MYO7A: variants seen among roughly 807,000 people sequenced by gnomAD.
MYO7A encodes the protein myosin VIIA.
MYO7A carries 210 observed loss-of-function variants against 263.8 expected under a neutral mutation model. The ratio of observed to expected loss-of-function variants is 0.80; its 90% CI spans 0.71 to 0.89. The LOEUF is 0.89. Among genes scored for constraint, MYO7A ranks in the 40% least tolerant of loss-of-function variants. The pLI, the probability that MYO7A is intolerant of heterozygous loss-of-function variation, is 0.00. For missense variants in MYO7A, 2,820 were observed against 2,968.3 expected (o/e 0.95, Z 1.16); for synonymous variants, 1,239 against 1,197.3 (o/e 1.03, Z -0.72).
chr11:77,205,463 T>A lies in MYO7A; in HGVS notation c.5482T>A (p.Tyr1828Asn). The change falls in exon 40 of 49, where the codon TAC (tyrosine) becomes AAC (asparagine). Residue 1828 changes from tyrosine (Y) to asparagine (N), a missense_variant and splice_region_variant. Physicochemically the swap from Tyr to Asn is moderately radical, Grantham distance 143. Coordinates refer to ENST00000409709, the MANE Select transcript of MYO7A (RefSeq NM_000260.4). ...TGGAGCCCACGCCTCCTCCTGCAGG[T>A]ACAGCGAGGAGCGGGGTTGGGAGCT... ...LKQLTDNHIR[Y>N]SEERGWELLW... 7 of 1,564,572 alleles carry A rather than the reference T, an allele frequency of 4.5e-6. No homozygotes were observed. The highest frequency in any genetic ancestry group is 6.1e-6 in the Non-Finnish European group (7 of 1,154,850).
intron 4 of MYO7A, among the ~76,000 whole-genome samples, chr11:77,148,990 T>C (rs1371472709): frequency 1.3e-5 from 2 of 152,212 alleles, no homozygotes; most frequent in Non-Finnish European, 2.9e-5. Context: ...GGAAAAGAGA[T>C]GGCTTTGCAG....
rs1188167692 is a variant in MYO7A, at chr11:77,205,462, G to T, written c.5481G>T (p.Arg1827Ser). 3 of 1,564,048 alleles carry T rather than the reference G, an allele frequency of 1.9e-6. No homozygotes were observed. In the South Asian group the frequency reaches 3.5e-5, roughly 18 times the overall value. Residue 1827 changes from arginine (R) to serine (S), a missense_variant and splice_region_variant, in exon 40 of 49, where the codon AGG becomes AGT. Arg to Ser is a moderately radical substitution (Grantham distance 110, BLOSUM62 -1). Transcript: ENST00000409709. Reference sequence around the variant, plus strand: ...CTGGAGCCCACGCCTCCTCCTGCAGGTACAGCGAGGAGCGGGGTTGGGAGC... The same window carrying T: ...CTGGAGCCCACGCCTCCTCCTGCAGTTACAGCGAGGAGCGGGGTTGGGAGC... ...ILKQLTDNHI[R>S]YSEERGWELL...
Position 77,201,511 on chromosome 11 carries a change from CG to C in MYO7A, c.4919del (p.Gly1640AlafsTer5), listed in dbSNP as rs1555101858. On this transcript the variant is annotated frameshift_variant, in exon 36 of 49. Coordinates refer to ENST00000409709, the MANE Select transcript of MYO7A (RefSeq NM_000260.4). LOFTEE classifies it high-confidence loss of function. ...GACCTCATCATCCTGGACCATGACA[CG>C]GGCGAGCAGGTCATGAACTCGGGCT... ...KGDLIILDHD[T>X]GEQVMNSGWA... is the part of the protein sequence containing the mutation. 1.9e-5 allele frequency: 30 copies of C among 1,613,940 alleles called. No homozygotes were observed. Among genetic ancestry groups the C allele is most frequent in the Non-Finnish European group, 2.4e-5 (28 of 1,179,882 alleles).
At chr11:77,214,057 A>C (rs1390002624) in intron 48 of MYO7A, 78 bp downstream of exon 48, 1 of 1,590,336 alleles carries the variant, frequency 6.3e-7, no homozygotes, top group Non-Finnish European at 8.6e-7. Context: ...GCCTGGAACA[A>C]ACACAGTAGT....
rs1385751946 is a variant in MYO7A at position 77,128,457 on chromosome 11, G to T, written c.-79G>T. On this transcript the variant is annotated 5_prime_UTR_variant, in exon 1 of 49. Transcript: ENST00000409709. ...TGCAGGTGGCAGCTGTACCAGGCTG[G>T]CAGGTCACTGAGAGTGGGCAGCTGG... 1.3e-5 allele frequency: 2 copies of T among 152,394 alleles called. No homozygotes were observed. Among genetic ancestry groups the T allele is most frequent in the Admixed American group, 6.5e-5 (1 of 15,292 alleles). 9.4% of individuals were successfully genotyped at this position (152,394 alleles called of 1,614,324 possible).
chr11:77,189,576 C>A, intron 28 of MYO7A, 106 bp downstream of exon 28: 5 of 1,487,424 alleles, frequency 3.4e-6, no homozygotes, highest in Non-Finnish European at 3.6e-6. Flanking sequence ...GTCACAAGGC[C>A]CACCCGGCCA....
chr11:77,202,961 G>T, intron 37 of MYO7A, 99 bp from the exon 38 acceptor site: 1 of 1,436,516 alleles, frequency 7.0e-7, no homozygotes, highest in Non-Finnish European at 9.3e-7. Context: ...TCAGCCTCTG[G>T]ACACAGGGAT....
chr11:77,156,574 G>A, intron 5 of MYO7A, 86 bp from the exon 6 acceptor site: 1 of 1,572,166 alleles, frequency 6.4e-7, no homozygotes, highest in East Asian at 2.3e-5. Context: ...TGGGGGAGCT[G>A]GTGGATGGTG....
At chr11:77,209,120 C>T (rs1175654956) in intron 44 of MYO7A, 2 of 308,702 alleles carry the variant, frequency 6.5e-6, no homozygotes, top group Admixed American at 9.0e-5. Flanking sequence ...ATTCCAAGGC[C>T]TCTGTGCAAA....
At chr11:77,162,538 C>T (rs1953099022) in intron 13 of MYO7A, among the ~76,000 whole-genome samples, 1 of 152,190 alleles carries the variant, frequency 6.6e-6, no homozygotes, top group Non-Finnish European at 1.5e-5. Context: ...AAGATCCATG[C>T]ATGCAGTTGG....
intron 3 of MYO7A, among the ~76,000 whole-genome samples, chr11:77,145,893 G>T (rs538047046): frequency 6.6e-6 from 1 of 152,292 alleles, no homozygotes; most frequent in African/African-American, 2.4e-5. Flanking sequence ...GCTGGAATGG[G>T]GGACTTCTGG....
intron 32 of MYO7A, 101 bp downstream of exon 32, chr11:77,194,625 G>A: frequency 7.8e-7 from 1 of 1,278,720 alleles, no homozygotes; most frequent in Non-Finnish European, 1.1e-6. Flanking sequence ...TGCGGGGGAT[G>A]GGATGGCACC....
At chr11:77,159,387 T>C (rs1952774143) in intron 9 of MYO7A, 60 bp from the exon 10 acceptor site, 2 of 1,500,430 alleles carry the variant, frequency 1.3e-6, no homozygotes, top group South Asian at 2.3e-5. Flanking sequence ...CTTAGGACTG[T>C]CCCCTTGCCC....
At chr11:77,158,151 G>A (rs534390264) in intron 8 of MYO7A, 126 bp from the exon 9 acceptor site, 15 of 1,087,608 alleles carry the variant, frequency 1.4e-5, no homozygotes, top group African/African-American at 6.5e-5. Flanking sequence ...TGAGGTCAGC[G>A]CCTGGGGCCC....
chr11:77,207,965 G>A (rs934477396), intron 42 of MYO7A, among the ~76,000 whole-genome samples: 7 of 152,168 alleles, frequency 4.6e-5, no homozygotes, highest in Admixed American at 3.9e-4. Flanking sequence ...CTCCCTGACC[G>A]AGTTGGGTGC....
Position 77,194,366 on chromosome 11 carries a change from G to T in MYO7A, c.4165G>T (p.Ala1389Ser), listed in dbSNP as rs1407458101. 2 of 1,612,090 alleles carry T rather than the reference G, an allele frequency of 1.2e-6. No homozygotes were observed. Among genetic ancestry groups the T allele is most frequent in the South Asian group, 1.1e-5 (1 of 90,502 alleles). The change falls in exon 32 of 49, where the codon GCT (alanine) becomes TCT (serine). Residue 1389 changes from alanine to serine, a missense_variant. Coordinates refer to ENST00000409709, the MANE Select transcript of MYO7A (RefSeq NM_000260.4). ...EYRCEKEDDL[A>S]ELASQQYFVD... is the part of the protein sequence containing the mutation. ...TCCCCCCACCTAGGAGGACGACCTG[G>T]CTGAGCTGGCCTCCCAGCAGTACTT...
At chr11:77,177,030 C>T (rs931895306) in intron 18 of MYO7A, among the ~76,000 whole-genome samples, 1 of 152,206 alleles carries the variant, frequency 6.6e-6, no homozygotes, top group Admixed American at 6.5e-5. Flanking sequence ...CCAGGCTCGA[C>T]GTGGGGAACC....
At position 77,131,704 on chromosome 11, in the gene MYO7A, C is replaced by T. The variant is rs915617344; in HGVS notation, c.18+1052C>T. ...GGACCTCCTCACCACCCCCTCCTCT[C>T]CTGCCCCTCTGAACGCTGACCCACC... On this transcript the variant is annotated intron_variant, in intron 2 of 48. Transcript: ENST00000409709. Among the ~76,000 whole-genome samples the T allele has an allele frequency of 2.1e-4, 32 of 152,258 alleles. 1 individual carries two copies. The highest frequency in any genetic ancestry group is 7.5e-4 in the African/African-American group (31 of 41,472).
chr11:77,143,683 G>A (rs1238799695), intron 3 of MYO7A, among the ~76,000 whole-genome samples: 1 of 152,238 alleles, frequency 6.6e-6, no homozygotes, highest in Non-Finnish European at 1.5e-5. Context: ...GAAGAATCCA[G>A]GGAGATTCAG....
Sources: gnomAD v4.1 joint callset for allele counts (sites outside exome capture counted in the v4.1 genomes callset) on GRCh38, gnomAD v4.1.1 for gene constraint, MANE v1.5 for transcripts, NCBI Gene and HGNC (gene_info 2026-07-23, HGNC 2026-07-21) for gene names.